PDGFD: variants seen among roughly 807,000 people sequenced by gnomAD.
The protein encoded by PDGFD is platelet-derived growth factor D.
PDGFD carries 30 observed loss-of-function variants against 44.7 expected under a neutral mutation model. That is an observed-to-expected ratio of 0.67 (90% confidence interval 0.50 to 0.91). PDGFD has a LOEUF of 0.91. Ranked by LOEUF, PDGFD falls within the 40% of genes least tolerant of loss-of-function variation. PDGFD has a pLI of 0.00. For synonymous variants in PDGFD, 173 were observed against 168.4 expected, an observed-to-expected ratio of 1.03 and a Z score of -0.21; for missense variants, 445 against 457.8, an observed-to-expected ratio of 0.97 and a Z score of 0.25.
intron 1 of PDGFD, among the ~76,000 whole-genome samples, chr11:104,118,203 G>C (rs1159503734): frequency 1.3e-5 from 2 of 151,790 alleles, no homozygotes; most frequent in Non-Finnish European, 2.9e-5. Context: ...CAGTATAATG[G>C]CATTTGTAGA....
chr11:104,006,095 T>A (rs1490499078), intron 1 of PDGFD, among the ~76,000 whole-genome samples: 1 of 152,192 alleles, frequency 6.6e-6, no homozygotes, highest in East Asian at 1.9e-4. Flanking sequence ...CTCATGAAAG[T>A]CACTGTAGGC....
chr11:104,058,833 C>T (rs1233192198), intron 1 of PDGFD, among the ~76,000 whole-genome samples: 2 of 152,170 alleles, frequency 1.3e-5, no homozygotes, highest in Non-Finnish European at 2.9e-5. Context: ...CATTCAACAA[C>T]GTGAACGAAT....
chr11:104,116,692 GGCTGTGGCCCCACCCAA>G (rs1861644218), intron 1 of PDGFD, among the ~76,000 whole-genome samples: 7 of 151,860 alleles, frequency 4.6e-5, no homozygotes, highest in African/African-American at 1.7e-4. Flanking sequence ...GATATAGTTT[GGCTGTGGCCCCACCCAA>G]ATCTCAACTT....
chr11:104,089,800 C>G (rs894384735), intron 1 of PDGFD, among the ~76,000 whole-genome samples: 1 of 152,098 alleles, frequency 6.6e-6, no homozygotes, highest in African/African-American at 2.4e-5. Context: ...TAAAAGCCTC[C>G]AAGCTACATG....
At chr11:104,040,393 C>T (rs1466724865) in intron 1 of PDGFD, among the ~76,000 whole-genome samples, 1 of 151,912 alleles carries the variant, frequency 6.6e-6, no homozygotes, top group Non-Finnish European at 1.5e-5. Context: ...TTAAGCAATG[C>T]CTTTATTGAT....
intron 1 of PDGFD, among the ~76,000 whole-genome samples, chr11:104,156,436 T>G (rs1862308986): frequency 6.6e-6 from 1 of 152,202 alleles, no homozygotes; most frequent in South Asian, 2.1e-4. Context: ...TTGGCTTACT[T>G]TTATAGACAA....
intron 6 of PDGFD, among the ~76,000 whole-genome samples, chr11:103,922,234 G>T (rs1201855524): frequency 2.0e-5 from 3 of 152,152 alleles, no homozygotes; most frequent in Non-Finnish European, 2.9e-5. Flanking sequence ...ACACTATCAA[G>T]AGAAGAGAAC....
At chr11:104,068,622 G>C (rs1194215199) in intron 1 of PDGFD, among the ~76,000 whole-genome samples, 3 of 152,096 alleles carry the variant, frequency 2.0e-5, no homozygotes, top group Non-Finnish European at 4.4e-5. Context: ...AATTGGAATT[G>C]ACCAATACTG....
chr11:103,947,691 T>C lies in PDGFD; in HGVS notation c.544A>G (p.Asn182Asp). 1 of 1,613,678 alleles carries C rather than the reference T, an allele frequency of 6.2e-7. No individual in the cohort carries two copies. Among genetic ancestry groups the C allele is most frequent in the Admixed American group, 1.7e-5 (1 of 59,962 alleles). Residue 182 changes from asparagine to aspartate, a missense_variant, in exon 4 of 7, where the codon AAC (asparagine) becomes GAC (aspartate). Coordinates refer to ENST00000393158, the MANE Select transcript of PDGFD (RefSeq NM_025208.5). ...DFQPAAASET[N>D]WESVTSSISG... ...ATAGAGCTTGTGACAGATTCCCAGTTGGTCTCTGAAGCTGCTGCGGGTTGG... is the reference window on the plus strand; with the variant it reads ...ATAGAGCTTGTGACAGATTCCCAGTCGGTCTCTGAAGCTGCTGCGGGTTGG...
intron 1 of PDGFD, among the ~76,000 whole-genome samples, chr11:104,109,114 T>C (rs1280857262): frequency 6.6e-6 from 1 of 151,418 alleles, no homozygotes; most frequent in Non-Finnish European, 1.5e-5. Context: ...GATGAATTAA[T>C]GGGTGCAGCA....
chr11:104,145,866 G>A (rs1862155445), intron 1 of PDGFD, among the ~76,000 whole-genome samples: 1 of 152,182 alleles, frequency 6.6e-6, no homozygotes, highest in Admixed American at 6.5e-5. Flanking sequence ...TTAAGAAGAT[G>A]AAGATATACC....
At position 103,983,048 on chromosome 11, in the gene PDGFD, A is replaced by G. The variant is rs1859297318; in HGVS notation, c.510+13017T>C. Among the ~76,000 whole-genome samples the G allele has an allele frequency of 1.3e-5, 2 of 151,842 alleles. 1 individual carries two copies. Among genetic ancestry groups the G allele is most frequent in the South Asian group, 4.1e-4 (2 of 4,828 alleles). The stretch of plus-strand genomic sequence containing the variant: ...CATTAAATTACCACTGACATTCTTC[A>G]CAGAATTAGAAAAAAACTATTTTAA... On this transcript the variant is annotated intron_variant, in intron 3 of 6. Transcript: ENST00000393158.
chr11:104,131,200 T>G (rs1013960985), intron 1 of PDGFD, among the ~76,000 whole-genome samples: 1 of 152,180 alleles, frequency 6.6e-6, no homozygotes, highest in African/African-American at 2.4e-5. Context: ...CAACAATAAC[T>G]TCTTGTTTTA....
chr11:103,924,725 C>G (rs1751051906), intron 6 of PDGFD, among the ~76,000 whole-genome samples: 1 of 152,180 alleles, frequency 6.6e-6, no homozygotes, highest in Admixed American at 6.5e-5. Context: ...AACACCACCA[C>G]CACCACAAAA....
chr11:103,946,316 C>G (rs1276060145), intron 4 of PDGFD: 1 of 152,202 alleles, frequency 6.6e-6, no homozygotes, highest in Admixed American at 6.5e-5. Context: ...GAGAGTTAAG[C>G]AGCACCTAGA....
intron 3 of PDGFD, among the ~76,000 whole-genome samples, chr11:103,970,025 C>T (rs1859080385): frequency 6.6e-6 from 1 of 152,016 alleles, no homozygotes; most frequent in Non-Finnish European, 1.5e-5. Flanking sequence ...ACACACTATA[C>T]ATTTAAGAGA....
At chr11:104,096,314 G>A (rs566418282) in intron 1 of PDGFD, among the ~76,000 whole-genome samples, 1 of 151,936 alleles carries the variant, frequency 6.6e-6, no homozygotes, top group South Asian at 2.1e-4. Flanking sequence ...TTTAGGTATT[G>A]TTCAAAATAT....
intron 1 of PDGFD, among the ~76,000 whole-genome samples, chr11:104,132,047 C>G (rs1456372712): frequency 6.6e-6 from 1 of 151,510 alleles, no homozygotes; most frequent in African/African-American, 2.4e-5. Context: ...GATTTACGTA[C>G]CTTCTGACAT....
At chr11:104,068,051 G>A (rs753389614) in intron 1 of PDGFD, among the ~76,000 whole-genome samples, 8 of 152,108 alleles carry the variant, frequency 5.3e-5, no homozygotes, top group African/African-American at 1.4e-4. Flanking sequence ...TAAAGAGTAC[G>A]TTTCTTTCCC....
Sources: allele counts gnomAD v4.1 joint callset (sites outside exome capture counted in the v4.1 genomes callset), GRCh38; gene constraint gnomAD v4.1.1; transcripts MANE v1.5; gene names NCBI Gene and HGNC (gene_info 2026-07-23, HGNC 2026-07-21).